Variants in DPCD observed in about 807,000 individuals in gnomAD.
DPCD encodes deleted in primary ciliary dyskinesia homolog (mouse).
Under a neutral mutation model 26.4 loss-of-function variants are expected in DPCD, and 20 were observed. That is an observed-to-expected ratio of 0.76 (90% CI 0.53 to 1.10). The LOEUF is 1.10. Among genes scored for constraint, DPCD ranks in the 50% least tolerant of loss-of-function variants. The pLI, the probability that DPCD is intolerant of heterozygous loss-of-function variation, is 0.00. For missense variants in DPCD, 202 were observed against 253.9 expected, an observed-to-expected ratio of 0.80 and a Z score of 1.39; for synonymous variants, 97 against 94.2, an observed-to-expected ratio of 1.03 and a Z score of -0.17.
At chr10:101,597,633 G>A (rs1589724164) in intron 2 of DPCD, among the ~76,000 whole-genome samples, 1 of 152,336 alleles carries the variant, frequency 6.6e-6, no homozygotes, top group East Asian at 1.9e-4. Context: ...TCACCGGGGT[G>A]GAAAGTCTCT....
intron 4 of DPCD, among the ~76,000 whole-genome samples, chr10:101,606,219 T>C (rs1401794987): frequency 6.6e-6 from 1 of 152,076 alleles, no homozygotes; most frequent in African/African-American, 2.4e-5. Context: ...TGGAGTGCAG[T>C]GGCACGATCT....
At chr10:101,590,371 A>G (rs1050610459) in intron 1 of DPCD, among the ~76,000 whole-genome samples, 2 of 152,164 alleles carry the variant, frequency 1.3e-5, no homozygotes, top group Non-Finnish European at 2.9e-5. Flanking sequence ...GTTGGGACAT[A>G]TTGTGATAGA....
At chr10:101,589,653 C>T (rs2063568716) in intron 1 of DPCD, among the ~76,000 whole-genome samples, 1 of 152,068 alleles carries the variant, frequency 6.6e-6, no homozygotes, top group African/African-American at 2.4e-5. Flanking sequence ...GCCGAGTGGG[C>T]GGATCCCTTG....
At chr10:101,597,091 C>T (rs1319254686) in intron 2 of DPCD, among the ~76,000 whole-genome samples, 2 of 152,288 alleles carry the variant, frequency 1.3e-5, no homozygotes, top group East Asian at 1.9e-4. Context: ...CAACAATGAT[C>T]GGAACATCAA....
rs559058241 is a variant in DPCD, at chr10:101,605,140, G to A, written c.405-3695G>A. On this transcript the variant is annotated intron_variant, in intron 4 of 5. Coordinates refer to ENST00000370151, the MANE Select transcript of DPCD (RefSeq NM_015448.3). ...AGATTTGCTTGCTGCTTTTCTAAAG[G>A]CGGACTGGTTGGAGGCTTCTCTGGA... 5 of 1,550,532 alleles carry A rather than the reference G, an allele frequency of 3.2e-6. No homozygotes were observed. In the South Asian group the frequency reaches 4.8e-5, roughly 15 times the overall value.
chr10:101,608,455 C>G (rs1200150773), intron 4 of DPCD, among the ~76,000 whole-genome samples: 1 of 152,176 alleles, frequency 6.6e-6, no homozygotes, highest in Non-Finnish European at 1.5e-5. Context: ...AGAACACGTC[C>G]CATTTTTCTG....
chr10:101,606,399 G>T (rs1489796816), intron 4 of DPCD, among the ~76,000 whole-genome samples: 1 of 152,200 alleles, frequency 6.6e-6, no homozygotes, highest in Admixed American at 6.5e-5. Context: ...GGCCTCAAGT[G>T]ATCTGCCTAC....
rs555249320 is a variant in DPCD at position 101,595,982 on chromosome 10, C to T, written c.145+1244C>T. ...ATAGCCGCAGCTCCTCACTCCCAGC[C>T]CCCCGTGCCACTTCTCTACTCCTCC... On this transcript the variant is annotated intron_variant, in intron 2 of 5. Transcript: ENST00000370151. 7.9e-5 allele frequency among the ~76,000 whole-genome samples: 12 copies of T among 152,312 alleles called. No homozygotes were observed. In the South Asian group the frequency reaches 2.5e-3, roughly 32 times the overall value.
Position 101,605,181 on chromosome 10 carries a change from G to A in DPCD, c.405-3654G>A, listed in dbSNP as rs532842796. On this transcript the variant is annotated intron_variant, in intron 4 of 5. Transcript: ENST00000370151. Reference sequence around the variant, plus strand: ...CTTCTCTGGACCCCTCTGGCCATGCGGTGTGCAGGTGTGCATGGCACCCCC... The same window carrying A: ...CTTCTCTGGACCCCTCTGGCCATGCAGTGTGCAGGTGTGCATGGCACCCCC... 3.6e-4 allele frequency: 554 copies of A among 1,550,472 alleles called. 2 individuals carry two copies. In the African/African-American group the frequency reaches 5.7e-3, roughly 16 times the overall value.
rs373352395 is a variant in DPCD, at chr10:101,588,341, C to T, written c.5C>T (p.Ala2Val). Residue 2 changes from alanine to valine, a missense_variant, in exon 1 of 6, where the codon GCG becomes GTG. By Grantham distance (64) the Ala-to-Val change is moderately conservative (BLOSUM62 0). Transcript: ENST00000370151. ...GTGCTGCTTAGCAGGGGAAAGATGG[C>T]GGTGACGGGCTGGTTGGAGAGTCTG... M[A>V]VTGWLESLRT... 4.1e-5 allele frequency: 66 copies of T among 1,597,866 alleles called. No individual in the cohort carries two copies. In the Middle Eastern group the frequency reaches 5.0e-4, roughly 12 times the overall value.
In DPCD at chr10:101,599,455, G is replaced by A. The variant is rs1046274827; in HGVS notation, c.146-1283G>A. ...TAATTTTCATTATAAACTTGGAAAT[G>A]TGTTTCTAGGGAGAATTTTTGGCCC... On this transcript the variant is annotated intron_variant, in intron 2 of 5. Coordinates refer to ENST00000370151, the MANE Select transcript of DPCD (RefSeq NM_015448.3). Among the ~76,000 whole-genome samples, 7 of 152,218 alleles carry A rather than the reference G, an allele frequency of 4.6e-5. No individual in the cohort carries two copies. In the South Asian group the frequency reaches 6.2e-4, roughly 13 times the overall value.
intron 5 of DPCD, 147 bp downstream of exon 5, chr10:101,609,084 G>T (rs1028583332): frequency 1.9e-5 from 14 of 726,618 alleles, no homozygotes; most frequent in African/African-American, 1.9e-4. Flanking sequence ...ATTCAGCATG[G>T]GGGAGAGCAG....
chr10:101,588,852 C>T lies in DPCD; in HGVS notation c.64+452C>T, dbSNP rs571423437. On this transcript the variant is annotated intron_variant, in intron 1 of 5. Coordinates refer to ENST00000370151, the MANE Select transcript of DPCD (RefSeq NM_015448.3). ...CCTTTACTTGTTTGGGCCTCACTTT[C>T]CTCATCTATAAAATGAAGTGGATGG... is the stretch of plus-strand genomic sequence containing the variant. Among the ~76,000 whole-genome samples, 8 of 152,318 alleles carry T rather than the reference C, an allele frequency of 5.3e-5. No homozygotes were observed. The South Asian group carries it at 1.7e-3, about 32-fold the overall frequency.
chr10:101,606,803 A>G (rs571475133), intron 4 of DPCD, among the ~76,000 whole-genome samples: 8 of 151,902 alleles, frequency 5.3e-5, no homozygotes, highest in East Asian at 3.9e-4. Flanking sequence ...TCATGGAAAA[A>G]CCCTATGTCT....
At chr10:101,597,849 TTCACA>T (rs2063665257) in intron 2 of DPCD, among the ~76,000 whole-genome samples, 1 of 152,204 alleles carries the variant, frequency 6.6e-6, no homozygotes, top group Non-Finnish European at 1.5e-5. Context: ...TACATGTGTG[TTCACA>T]CCCATGCACT....
chr10:101,596,092 T>C (rs2063649837), intron 2 of DPCD, among the ~76,000 whole-genome samples: 1 of 152,222 alleles, frequency 6.6e-6, no homozygotes, highest in South Asian at 2.1e-4. Flanking sequence ...TGCTTGGATA[T>C]GAAACTGAAA....
At position 101,588,411 on chromosome 10, in the gene DPCD, G is replaced by A; in HGVS notation, c.64+11G>A. ...CGCTGCTGCAGGACGGTAACTCGAG[G>A]GTCCCCACGGGCTCCTTCGTTTTTT... On this transcript the variant is annotated intron_variant, in intron 1 of 5. Coordinates refer to ENST00000370151, the MANE Select transcript of DPCD (RefSeq NM_015448.3). The A allele has an allele frequency of 6.3e-7, 1 of 1,584,170 alleles. No homozygotes were observed. The highest frequency in any genetic ancestry group is 8.6e-7 in the Non-Finnish European group (1 of 1,163,948).
chr10:101,591,029 A>G (rs796865137), intron 1 of DPCD, among the ~76,000 whole-genome samples: 1 of 152,180 alleles, frequency 6.6e-6, no homozygotes, highest in Non-Finnish European at 1.5e-5. Flanking sequence ...CAGCTGTAAT[A>G]TCGTTCATAA....
chr10:101,588,377 A>C lies in DPCD; in HGVS notation c.41A>C (p.Gln14Pro). 1.9e-6 allele frequency: 3 copies of C among 1,600,226 alleles called. No homozygotes were observed. Among genetic ancestry groups the C allele is most frequent in the Non-Finnish European group, 2.6e-6 (3 of 1,172,054 alleles). The change falls in exon 1 of 6, where the codon CAG (glutamine) becomes CCG (proline). Residue 14 changes from glutamine (Q) to proline (P), a missense_variant. Gln to Pro is a moderately conservative substitution (Grantham distance 76). Around this residue, in one of 3 missense-constraint regions of DPCD, gnomAD observed 47 missense variants for 32.8 expected, o/e 1.43. Transcript: ENST00000370151. Reference protein sequence around the residue: ...TGWLESLRTAQKTALLQDGRR... With the variant: ...TGWLESLRTAPKTALLQDGRR... Reference sequence around the variant, plus strand: ...TGGTTGGAGAGTCTGCGGACAGCCCAGAAGACTGCGCTGCTGCAGGACGGT... The same window carrying C: ...TGGTTGGAGAGTCTGCGGACAGCCCCGAAGACTGCGCTGCTGCAGGACGGT...
Sources: gnomAD v4.1 joint callset for allele counts (sites outside exome capture counted in the v4.1 genomes callset) on GRCh38, gnomAD v4.1.1 for gene constraint, gnomAD v4.1.1 regional missense constraint, MANE v1.5 for transcripts, NCBI Gene and HGNC (gene_info 2026-07-23, HGNC 2026-07-21) for gene names.